The following PRKCA variants were observed in gnomAD, a reference collection of about 807,000 sequenced individuals.
PRKCA encodes the protein protein kinase C alpha.
A neutral mutation model predicts 87.0 loss-of-function variants in PRKCA; 27 were observed. The ratio of observed to expected loss-of-function variants is 0.31; its 90% confidence interval spans 0.23 to 0.43. The LOEUF (loss-of-function observed/expected upper bound fraction) is 0.43, where lower values mean the gene tolerates loss of function less well. PRKCA is among the 20% of genes least tolerant of loss of function. The pLI is 1.00. For missense variants in PRKCA, 518 were observed against 852.3 expected (o/e 0.61, Z 4.88); for synonymous variants, 329 against 311.1 (o/e 1.06, Z -0.61).
At chr17:66,581,580 A>G (rs1969434134) in intron 3 of PRKCA, among the ~76,000 whole-genome samples, 1 of 152,048 alleles carries the variant, frequency 6.6e-6, no homozygotes, top group African/African-American at 2.4e-5. Flanking sequence ...GGTTCATGCC[A>G]TTCTCCTGCC....
At chr17:66,681,023 G>C (rs991775967) in intron 5 of PRKCA, among the ~76,000 whole-genome samples, 3 of 152,184 alleles carry the variant, frequency 2.0e-5, no homozygotes, top group African/African-American at 4.8e-5. Context: ...GAGGTCGGGG[G>C]TTTGAGACCA....
At chr17:66,386,915 A>G (rs1299214107) in intron 2 of PRKCA, among the ~76,000 whole-genome samples, 1 of 152,026 alleles carries the variant, frequency 6.6e-6, no homozygotes, top group African/African-American at 2.4e-5. Context: ...TACTGGTGTG[A>G]TAATAAGCAC....
chr17:66,775,794 A>T, intron 14 of PRKCA: 19 of 978,836 alleles, frequency 1.9e-5, no homozygotes, highest in Non-Finnish European at 2.3e-5. Flanking sequence ...GTGCATGGCC[A>T]TAAGGATGAA....
intron 3 of PRKCA, among the ~76,000 whole-genome samples, chr17:66,528,221 C>CA (rs60533049): frequency 0.07 from 6,031 of 85,564 alleles, 248 homozygotes; most frequent in African/African-American, 0.085. Flanking sequence ...AACTCTGTCT[C>CA]AAAAAAAAAA....
Position 66,549,141 on chromosome 17 carries a change from GT to G in PRKCA, c.288+52876del, listed in dbSNP as rs538579897. ...ATTTTAAGCTACCAAGTTTATGGCA[GT>G]TTTTTTTTTTTTTTTTTACAATAAC... On this transcript the variant is annotated intron_variant, in intron 3 of 16. Transcript: ENST00000413366. 7.8e-3 allele frequency among the ~76,000 whole-genome samples: 1,087 copies of G among 138,540 alleles called. 9 individuals carry two copies. Among genetic ancestry groups the G allele is most frequent in the Middle Eastern group, 0.026 (7 of 270 alleles). 90.9% of individuals were successfully genotyped at this position (138,540 alleles called of 152,430 possible).
At chr17:66,515,310 A>G (rs1220564820) in intron 3 of PRKCA, among the ~76,000 whole-genome samples, 1 of 150,692 alleles carries the variant, frequency 6.6e-6, no homozygotes, top group Non-Finnish European at 1.5e-5. Context: ...AATGTTGGAT[A>G]GGTAACTAAC....
intron 2 of PRKCA, among the ~76,000 whole-genome samples, chr17:66,343,006 G>A (rs1907135468): frequency 6.6e-6 from 1 of 151,996 alleles, no homozygotes; most frequent in Non-Finnish European, 1.5e-5. Context: ...TTTCTACTCT[G>A]CATTGCATAA....
chr17:66,464,285 C>T (rs566489170), intron 2 of PRKCA, among the ~76,000 whole-genome samples: 10 of 152,216 alleles, frequency 6.6e-5, no homozygotes, highest in East Asian at 3.9e-4. Flanking sequence ...TACTGAAGGG[C>T]GTCTGGGTTG....
chr17:66,406,585 G>GTTTTTTTTTTTTTTTTT lies in PRKCA; in HGVS notation c.206-89608_206-89592dup, dbSNP rs71160568. Among the ~76,000 whole-genome samples the GTTTTTTTTTTTTTTTTT allele has an allele frequency of 2.4e-3, 171 of 70,178 alleles. 38 individuals are homozygous for GTTTTTTTTTTTTTTTTT. Among genetic ancestry groups the GTTTTTTTTTTTTTTTTT allele is most frequent in the South Asian group, 4.3e-3 (6 of 1,404 alleles). 46.0% of individuals were successfully genotyped at this position (70,178 alleles called of 152,430 possible). On this transcript the variant is annotated intron_variant, in intron 2 of 16. Transcript: ENST00000413366. ...TCATGTAGCATTGTAGCTTTTCCAG[G>GTTTTTTTTTTTTTTTTT]TTTTTTTTTTTTTTTTTTTTTTTTA...
chr17:66,798,459 T>C (rs944520854), intron 16 of PRKCA, among the ~76,000 whole-genome samples: 2 of 50,014 alleles, frequency 4.0e-5, no homozygotes, highest in Non-Finnish European at 7.6e-5. Context: ...GTGACGGTGG[T>C]GGTGGTGGTG....
intron 2 of PRKCA, among the ~76,000 whole-genome samples, chr17:66,461,111 C>T (rs1402565699): frequency 6.7e-6 from 1 of 149,082 alleles, no homozygotes; most frequent in African/African-American, 2.5e-5. Context: ...GGGAATGAGG[C>T]AGGAGAATTG....
At chr17:66,499,925 G>C (rs1028466491) in intron 3 of PRKCA, among the ~76,000 whole-genome samples, 1 of 152,120 alleles carries the variant, frequency 6.6e-6, no homozygotes, top group South Asian at 2.1e-4. Flanking sequence ...ATCTCATGCC[G>C]AATGTGTCTG....
intron 2 of PRKCA, among the ~76,000 whole-genome samples, chr17:66,454,253 C>T (rs1322768102): frequency 6.6e-6 from 1 of 152,206 alleles, no homozygotes; most frequent in Non-Finnish European, 1.5e-5. Context: ...AGTGTGCTGG[C>T]TTCCTGGGGA....
intron 8 of PRKCA, among the ~76,000 whole-genome samples, chr17:66,713,810 GTT>G (rs1209347826): frequency 6.6e-6 from 1 of 152,100 alleles, no homozygotes; most frequent in African/African-American, 2.4e-5. Flanking sequence ...CCAGTCACTG[GTT>G]TTCTCTGTTG....
rs554799626 is a variant in PRKCA at position 66,499,792 on chromosome 17, GA to G, written c.288+3512del. On this transcript the variant is annotated intron_variant, in intron 3 of 16. Coordinates refer to ENST00000413366, the MANE Select transcript of PRKCA (RefSeq NM_002737.3). Reference sequence around the variant, plus strand: ...GATGAATTTTTTTTAATGTGAAAGAGAAAGAGGTATATTAGATATTCAATGC... The same window carrying G: ...GATGAATTTTTTTTAATGTGAAAGAGAAGAGGTATATTAGATATTCAATGC... Among the ~76,000 whole-genome samples, 261 of 152,246 alleles carry G rather than the reference GA, an allele frequency of 1.7e-3. 1 individual carries two copies. Among genetic ancestry groups the G allele is most frequent in the Non-Finnish European group, 2.9e-3 (196 of 68,010 alleles).
In PRKCA at chr17:66,726,629, G is replaced by A. The variant is rs113224355; in HGVS notation, c.919-6059G>A. On this transcript the variant is annotated intron_variant, in intron 8 of 16. Coordinates refer to ENST00000413366, the MANE Select transcript of PRKCA (RefSeq NM_002737.3). ...CGGAGGGAGTGGTGGGAAATAAGCC[G>A]AGAGACAGAGCAGAGCGAGTGTCCT... is the stretch of plus-strand genomic sequence containing the variant. 2.2e-3 allele frequency among the ~76,000 whole-genome samples: 338 copies of A among 152,204 alleles called. 2 individuals carry two copies. Among genetic ancestry groups the A allele is most frequent in the African/African-American group, 7.4e-3 (309 of 41,526 alleles).
intron 2 of PRKCA, among the ~76,000 whole-genome samples, chr17:66,327,747 T>C (rs993269812): frequency 1.8e-4 from 28 of 152,202 alleles, no homozygotes; most frequent in African/African-American, 6.3e-4. Context: ...AGTATTAATA[T>C]GACAAGTTTA....
At chr17:66,327,101 T>C (rs549158606) in intron 2 of PRKCA, among the ~76,000 whole-genome samples, 14 of 151,892 alleles carry the variant, frequency 9.2e-5, no homozygotes, top group African/African-American at 3.4e-4. Context: ...CCAGGCGTGG[T>C]GGCTCACGCC....
intron 13 of PRKCA, among the ~76,000 whole-genome samples, chr17:66,762,638 G>A (rs1481529389): frequency 1.3e-5 from 2 of 152,126 alleles, no homozygotes; most frequent in Non-Finnish European, 2.9e-5. Flanking sequence ...ATGACGCTCT[G>A]GTCTCTGTTC....
Sources: allele counts gnomAD v4.1 joint callset (sites outside exome capture counted in the v4.1 genomes callset), GRCh38; gene constraint gnomAD v4.1.1; transcripts MANE v1.5; gene names NCBI Gene and HGNC (gene_info 2026-07-23, HGNC 2026-07-21).